PDE10A: variants seen among roughly 807,000 people sequenced by gnomAD.
PDE10A encodes phosphodiesterase 10A.
A neutral mutation model predicts 97.7 loss-of-function variants in PDE10A; 39 were observed. The observed-to-expected ratio is 0.40, with a 90% CI of 0.31 to 0.52. PDE10A has a LOEUF of 0.52. Among genes scored for constraint, PDE10A ranks in the 20% least tolerant of loss-of-function variants. The probability of loss-of-function intolerance (pLI) is 0.56; values close to 1 mark genes in which losing one functional copy is unlikely to be tolerated. For missense variants in PDE10A, 731 were observed against 1,047.8 expected (o/e 0.70, Z 4.17); for synonymous variants, 371 against 376.8 (o/e 0.98, Z 0.18).
intron 1 of PDE10A, among the ~76,000 whole-genome samples, chr6:165,883,405 G>T (rs1017549439): frequency 3.3e-5 from 5 of 151,798 alleles, no homozygotes; most frequent in South Asian, 4.2e-4. Context: ...GGCCCAGAAT[G>T]GTGACAGCTG....
At chr6:165,928,060 G>A (rs1297570092) in intron 1 of PDE10A, among the ~76,000 whole-genome samples, 2 of 150,450 alleles carry the variant, frequency 1.3e-5, no homozygotes, top group African/African-American at 4.9e-5. Context: ...CTATTTATAT[G>A]TAATTAAACA....
chr6:165,486,762 G>A, intron 2 of PDE10A, among the ~76,000 whole-genome samples: 1 of 152,154 alleles, frequency 6.6e-6, no homozygotes, highest in East Asian at 1.9e-4. Flanking sequence ...CATAGAATGG[G>A]CTGCAAAACT....
intron 1 of PDE10A, among the ~76,000 whole-genome samples, chr6:165,911,255 A>C (rs1239158413): frequency 1.3e-5 from 2 of 152,240 alleles, no homozygotes; most frequent in East Asian, 3.8e-4. Flanking sequence ...GCTTTGTATT[A>C]ATACTAGTAA....
intron 1 of PDE10A, among the ~76,000 whole-genome samples, chr6:165,970,156 G>T (rs748622953): frequency 1.3e-5 from 2 of 152,152 alleles, no homozygotes; most frequent in African/African-American, 4.8e-5. Context: ...AAAATCATTT[G>T]CTCAAAATCT....
At chr6:165,928,695 C>T (rs957450276) in intron 1 of PDE10A, among the ~76,000 whole-genome samples, 8 of 144,032 alleles carry the variant, frequency 5.6e-5, no homozygotes, top group South Asian at 4.3e-4. Flanking sequence ...TGGTGGCCGA[C>T]GTCTGGAGCA....
At chr6:165,424,480 CAG>C (rs1491204890) in intron 10 of PDE10A, among the ~76,000 whole-genome samples, 2 of 145,082 alleles carry the variant, frequency 1.4e-5, no homozygotes, top group African/African-American at 5.0e-5. Flanking sequence ...AAAAGAGAAT[CAG>C]AGATCTACCC....
chr6:165,570,753 C>A (rs1175647731), intron 1 of PDE10A, among the ~76,000 whole-genome samples: 1 of 152,174 alleles, frequency 6.6e-6, no homozygotes, highest in Non-Finnish European at 1.5e-5. Context: ...ATCATCTTAT[C>A]CTCAGTGCTA....
At chr6:165,710,137 C>T (rs956296105) in intron 1 of PDE10A, among the ~76,000 whole-genome samples, 12 of 152,124 alleles carry the variant, frequency 7.9e-5, no homozygotes, top group Non-Finnish European at 1.8e-4. Context: ...CTAACAGCGC[C>T]GCCACTCTGA....
At chr6:165,599,759 G>A (rs1465223338) in intron 1 of PDE10A, among the ~76,000 whole-genome samples, 2 of 152,222 alleles carry the variant, frequency 1.3e-5, no homozygotes, top group Admixed American at 6.5e-5. Context: ...ACAGGCAGGA[G>A]CAGGAGTGCG....
intron 18 of PDE10A, among the ~76,000 whole-genome samples, chr6:165,372,869 AC>A (rs574066144): frequency 9.9e-4 from 150 of 152,080 alleles, no homozygotes; most frequent in African/African-American, 3.3e-3. Flanking sequence ...TGGTACTGGT[AC>A]CAAAACAGAG....
chr6:165,790,948 C>G (rs959669067), intron 1 of PDE10A, among the ~76,000 whole-genome samples: 1 of 152,100 alleles, frequency 6.6e-6, no homozygotes, highest in African/African-American at 2.4e-5. Context: ...AGCAGGCCTG[C>G]GGAGCTTACT....
At chr6:165,436,468 G>A (rs1790024205) in intron 5 of PDE10A, among the ~76,000 whole-genome samples, 1 of 152,134 alleles carries the variant, frequency 6.6e-6, no homozygotes, top group South Asian at 2.1e-4. Context: ...GAACAAGGAG[G>A]AAGGGAGAGA....
At chr6:165,985,090 A>G (rs300121) in intron 1 of PDE10A, among the ~76,000 whole-genome samples, 7,017 of 152,314 alleles carry the variant, frequency 0.046, 220 homozygotes, top group Non-Finnish European at 0.071. Flanking sequence ...CCGAGGCCAC[A>G]GAGCTGGGCT....
intron 1 of PDE10A, among the ~76,000 whole-genome samples, chr6:165,950,615 A>C (rs535290517): frequency 2.3e-4 from 35 of 152,226 alleles, no homozygotes; most frequent in Non-Finnish European, 4.8e-4. Flanking sequence ...ATACCTGTGC[A>C]GACCAGGTCT....
intron 2 of PDE10A, among the ~76,000 whole-genome samples, chr6:165,509,447 AT>A (rs1781388336): frequency 6.6e-6 from 1 of 151,892 alleles, no homozygotes. Flanking sequence ...TAATTTGTCT[AT>A]TTTTATAGCA....
At chr6:165,543,928 A>G (rs1368627565) in intron 1 of PDE10A, among the ~76,000 whole-genome samples, 1 of 152,164 alleles carries the variant, frequency 6.6e-6, no homozygotes, top group Non-Finnish European at 1.5e-5. Flanking sequence ...TAGTTTAGCA[A>G]TTTTAAACTA....
chr6:165,639,347 C>T (rs988352501), intron 1 of PDE10A, among the ~76,000 whole-genome samples: 1 of 152,144 alleles, frequency 6.6e-6, no homozygotes, highest in Non-Finnish European at 1.5e-5. Flanking sequence ...TTTCATCCTT[C>T]CCTTCATTTG....
chr6:165,868,553 T>C (rs1305317334), intron 1 of PDE10A, among the ~76,000 whole-genome samples: 1 of 152,058 alleles, frequency 6.6e-6, no homozygotes, highest in African/African-American at 2.4e-5. Context: ...CAGGTCCAGA[T>C]GGTTTTCCTG....
chr6:165,662,797 C>G lies in PDE10A; in HGVS notation c.15G>C (p.Glu5Asp), dbSNP rs1431218188. Among the ~76,000 whole-genome samples, 1 of 149,634 alleles carries G rather than the reference C, an allele frequency of 6.7e-6. No individual in the cohort carries two copies. Among genetic ancestry groups the G allele is most frequent in the African/African-American group, 2.4e-5 (1 of 40,956 alleles). MASL[E>D]EPLAPRPQGP... Reference sequence around the variant, plus strand: ...CCTGGGGGCGGGGAGCAAGAGGCTCCTCGAGGCTGGCCATGGTTCCTCCCC... The same window carrying G: ...CCTGGGGGCGGGGAGCAAGAGGCTCGTCGAGGCTGGCCATGGTTCCTCCCC... Residue 5 changes from glutamate (E) to aspartate (D), a missense_variant, in exon 1 of 22, where the codon GAG becomes GAC. Physicochemically the swap from Glu to Asp is conservative, Grantham distance 45. Around this residue, in one of 8 missense-constraint regions of PDE10A, gnomAD observed 181 missense variants for 159.1 expected, o/e 1.14. Coordinates refer to ENST00000539869, the MANE Select transcript of PDE10A (RefSeq NM_001385079.1).
Sources: gnomAD v4.1 joint callset for allele counts (sites outside exome capture counted in the v4.1 genomes callset) on GRCh38, gnomAD v4.1.1 for gene constraint, gnomAD v4.1.1 regional missense constraint, MANE v1.5 for transcripts, NCBI Gene and HGNC (gene_info 2026-07-23, HGNC 2026-07-21) for gene names.